Variants in MUC5B observed in about 807,000 individuals in gnomAD.
MUC5B encodes mucin 5B, oligomeric mucus/gel-forming.
MUC5B carries 116 observed loss-of-function variants against 376.9 expected under a neutral mutation model. The observed-to-expected ratio is 0.31, with a 90% confidence interval of 0.26 to 0.36. MUC5B has a LOEUF of 0.36. Ranked by LOEUF, MUC5B falls within the 10% of genes least tolerant of loss-of-function variation. MUC5B has a pLI of 1.00. For synonymous variants in MUC5B, 3,517 were observed against 3,390.9 expected (o/e 1.04, Z -1.29); for missense variants, 7,165 against 7,769.9 (o/e 0.92, Z 2.93).
Position 1,255,158 on chromosome 11 carries a change from G to A in MUC5B, c.15782G>A (p.Trp5261Ter). ...LVPDSRKDGC[W>*]APTGTPPTAS... ...CCCGACAGCAGAAAGGATGGCTGCT[G>A]GGCCCCGACTGGCACACCCCCCACT... Residue 5261 changes from tryptophan (W) to a stop codon, truncating the protein, a stop_gained, in exon 36 of 49, where the codon TGG becomes TAG. Coordinates refer to ENST00000529681, the MANE Select transcript of MUC5B (RefSeq NM_002458.3). LOFTEE classifies it high-confidence loss of function. 6.4e-7 allele frequency: 1 copy of A among 1,564,318 alleles called. No individual in the cohort carries two copies. The highest frequency in any genetic ancestry group is 8.7e-7 in the Non-Finnish European group (1 of 1,155,712).
At chr11:1,238,145 C>T (rs1171038542) in intron 25 of MUC5B, among the ~76,000 whole-genome samples, 3 of 152,152 alleles carry the variant, frequency 2.0e-5, no homozygotes, top group Non-Finnish European at 4.4e-5. Flanking sequence ...GTGTGGGCTG[C>T]CTGGAGGAAG....
At position 1,227,706 on chromosome 11, in the gene MUC5B, C is replaced by T; in HGVS notation, c.699C>T (p.Asn233=). ...GGCTGACCCCGCTCCAGTTTGGGAACCTGCAGAAGTTGGATGGGCCCACGG... is the reference window on the plus strand; with the variant it reads ...GGCTGACCCCGCTCCAGTTTGGGAATCTGCAGAAGTTGGATGGGCCCACGG... ...NARLTPLQFG[N]LQKLDGPTEQ... Residue 233 remains asparagine, a synonymous_variant, in exon 7 of 49, where the codon AAC becomes AAT. Transcript: ENST00000529681. The T allele has an allele frequency of 2.8e-6, 2 of 724,030 alleles. No individual in the cohort carries two copies. Among genetic ancestry groups the T allele is most frequent in the Non-Finnish European group, 5.1e-6 (2 of 388,856 alleles). The allele number at this position is 724,030 out of a possible 1,614,324, so 44.9% of individuals were successfully genotyped here. A position where few individuals can be genotyped will look rare whatever the true frequency, so the allele number is the denominator to read the frequency against.
At position 1,241,917 on chromosome 11, in the gene MUC5B, C is replaced by G; in HGVS notation, c.5037C>G (p.Gly1679=). The change falls in exon 31 of 49, where the codon GGC becomes GGG. Residue 1679 remains glycine (G), a synonymous_variant. Transcript: ENST00000529681. ...CGGGAGGCCCCACGACGCCTGCAGG[C>G]TCCACAGAACCCACTGTCCCAGGGG... The part of the protein sequence containing the change: ...ATTGGPTTPA[G]STEPTVPGVA... 1 of 1,609,966 alleles carries G rather than the reference C, an allele frequency of 6.2e-7. No homozygotes were observed. Among genetic ancestry groups the G allele is most frequent in the Non-Finnish European group, 8.5e-7 (1 of 1,178,350 alleles).
Position 1,245,203 on chromosome 11 carries a change from A to C in MUC5B, c.8323A>C (p.Thr2775Pro). Residue 2775 changes from threonine (T) to proline (P), a missense_variant, in exon 31 of 49, where the codon ACC becomes CCC. By Grantham distance (38) the Thr-to-Pro change is conservative (BLOSUM62 -1). Around this residue, in one of 31 missense-constraint regions of MUC5B, gnomAD observed 70 missense variants for 169.1 expected, o/e 0.41. Transcript: ENST00000529681. The stretch of plus-strand genomic sequence containing the variant: ...GGTGCGCACAGCCTGGACTTCGGCC[A>C]CCTCAGGCACCTTGGGCACCACCCA... Reference protein sequence around the residue: ...HTVRTAWTSATSGTLGTTHIT... With the variant: ...HTVRTAWTSAPSGTLGTTHIT... The C allele has an allele frequency of 6.3e-7, 1 of 1,589,598 alleles. No homozygotes were observed. The highest frequency in any genetic ancestry group is 8.6e-7 in the Non-Finnish European group (1 of 1,168,510).
chr11:1,239,126 G>T (rs746146871), intron 26 of MUC5B, 99 bp downstream of exon 26: 31 of 1,394,210 alleles, frequency 2.2e-5, no homozygotes, highest in African/African-American at 4.3e-5. Context: ...GGCCTGAGCC[G>T]CACACAGACA....
intron 46 of MUC5B, 116 bp from the exon 47 acceptor site, chr11:1,260,235 G>A: frequency 7.4e-7 from 1 of 1,349,522 alleles, no homozygotes; most frequent in Non-Finnish European, 1.0e-6. Flanking sequence ...TGCCTGGGAG[G>A]CCCCGCCCCT....
At chr11:1,231,604 G>C (rs747146861) in intron 14 of MUC5B, 44 bp downstream of exon 14, 3 of 1,534,484 alleles carry the variant, frequency 2.0e-6, no homozygotes, top group African/African-American at 1.4e-5. Context: ...CATTGGGGAC[G>C]GGGCCTGGAC....
chr11:1,255,123 G>A lies in MUC5B; in HGVS notation c.15747G>A (p.Thr5249=), dbSNP rs374559407. The A allele has an allele frequency of 4.4e-4, 695 of 1,581,958 alleles. No homozygotes were observed. The highest frequency in any genetic ancestry group is 5.7e-4 in the Non-Finnish European group (669 of 1,165,452). ...TAASCKDMAK[T]WLVPDSRKDG... is the part of the protein sequence containing the mutation. ...CCAGTTGCAAGGACATGGCCAAGAC[G>A]TGGCTGGTCCCCGACAGCAGAAAGG... The change falls in exon 36 of 49, where the codon ACG becomes ACA. Residue 5249 remains threonine (T), a synonymous_variant. Coordinates refer to ENST00000529681, the MANE Select transcript of MUC5B (RefSeq NM_002458.3).
rs766211098 is a variant in MUC5B at position 1,226,893 on chromosome 11, G to T, written c.461+17G>T. 6 of 1,602,634 alleles carry T rather than the reference G, an allele frequency of 3.7e-6. No homozygotes were observed. The Admixed American group carries it at 1.0e-4, about 27-fold the overall frequency. The stretch of plus-strand genomic sequence containing the variant: ...TGGGCAGCGGTGAGCCGGCCACCCT[G>T]GGGAGGGGCGAGGGCCGGGCCACAC... On this transcript the variant is annotated intron_variant, in intron 4 of 48. Coordinates refer to ENST00000529681, the MANE Select transcript of MUC5B (RefSeq NM_002458.3).
chr11:1,227,216 C>T, intron 5 of MUC5B, 71 bp downstream of exon 5: 1 of 1,570,688 alleles, frequency 6.4e-7, no homozygotes, highest in East Asian at 2.3e-5. Context: ...TCGAGGGATG[C>T]CTCCCTGGGC....
chr11:1,233,713 C>A, intron 18 of MUC5B, 80 bp from the exon 19 acceptor site: 1 of 1,425,842 alleles, frequency 7.0e-7, no homozygotes, highest in Non-Finnish European at 9.6e-7. Flanking sequence ...GCCCAGCGTT[C>A]GGCGGGGGCT....
chr11:1,254,715 G>T lies in MUC5B; in HGVS notation c.15499G>T (p.Val5167Leu). 8 of 1,612,728 alleles carry T rather than the reference G, an allele frequency of 5.0e-6. No homozygotes were observed. The highest frequency in any genetic ancestry group is 6.8e-6 in the Non-Finnish European group (8 of 1,179,684). The change falls in exon 35 of 49, where the codon GTG (valine) becomes TTG (leucine). Residue 5167 changes from valine (V) to leucine (L), a missense_variant. Coordinates refer to ENST00000529681, the MANE Select transcript of MUC5B (RefSeq NM_002458.3). ...EGLILFDQIP[V>L]SSGFSKNGVL... ...CCAGATCCTGTTTGACCAAATTCCG[G>T]TGAGCAGCGGTTTCAGCAAGAACGG... is the stretch of plus-strand genomic sequence containing the variant.
At chr11:1,236,232 G>A in intron 23 of MUC5B, 154 bp from the exon 24 acceptor site, 1 of 651,708 alleles carries the variant, frequency 1.5e-6, no homozygotes, top group Non-Finnish European at 2.5e-6. Context: ...AACCTTCGCT[G>A]AGGGTCTCAC....
chr11:1,247,239 C>T lies in MUC5B; in HGVS notation c.10359C>T (p.Thr3453=). ...CCCCAGTGCCGAACACCACGGCCAC[C>T]ACACACGGGCGGTCCCTGCCCCCCA... ...HTPPVPNTTA[T]THGRSLPPSS... The change falls in exon 31 of 49, where the codon ACC becomes ACT. Residue 3453 remains threonine, a synonymous_variant. Transcript: ENST00000529681. 1.2e-6 allele frequency: 2 copies of T among 1,612,486 alleles called. No homozygotes were observed. The highest frequency in any genetic ancestry group is 1.7e-6 in the Non-Finnish European group (2 of 1,179,570).
At position 1,251,433 on chromosome 11, in the gene MUC5B, G is replaced by A. The variant is rs758020542; in HGVS notation, c.14553G>A (p.Pro4851=). 15 of 1,612,550 alleles carry A rather than the reference G, an allele frequency of 9.3e-6. No individual in the cohort carries two copies. The highest frequency in any genetic ancestry group is 2.2e-5 in the South Asian group (2 of 91,008). ...GGACCACCTGGATCCTCACAGAGCC[G>A]AGCACTATAGCCACCGTGATGGTGC... ...TPGTTWILTE[P]STIATVMVPT... is the part of the protein sequence containing the mutation. Residue 4851 remains proline (P), a synonymous_variant, in exon 31 of 49, where the codon CCG becomes CCA. Coordinates refer to ENST00000529681, the MANE Select transcript of MUC5B (RefSeq NM_002458.3).
chr11:1,235,256 G>A (rs764241508), intron 22 of MUC5B, 33 bp downstream of exon 22: 19 of 1,610,688 alleles, frequency 1.2e-5, no homozygotes, highest in Middle Eastern at 1.6e-4. Flanking sequence ...CCTGCAGGCC[G>A]GGCACACTCC....
Position 1,252,903 on chromosome 11 carries a change from T to C in MUC5B, c.15140T>C (p.Val5047Ala). Residue 5047 changes from valine to alanine, a missense_variant, in exon 33 of 49, where the codon GTC becomes GCC. Physicochemically the swap from Val to Ala is moderately conservative, Grantham distance 64. This residue lies in a region of MUC5B where 842 missense variants were observed against 1,016.9 expected (regional missense o/e 0.83). Coordinates refer to ENST00000529681, the MANE Select transcript of MUC5B (RefSeq NM_002458.3). The stretch of plus-strand genomic sequence containing the variant: ...CTGGACCCAAAGCCTGTGGCCAACG[T>C]CACCTGCGTGAACAAGCACCTGCCC... ...VLLDPKPVAN[V>A]TCVNKHLPIK... 6.2e-7 allele frequency: 1 copy of C among 1,612,646 alleles called. No homozygotes were observed. The highest frequency in any genetic ancestry group is 8.5e-7 in the Non-Finnish European group (1 of 1,179,856).
rs778672207 is a variant in MUC5B at position 1,255,200 on chromosome 11, C to T, written c.15824C>T (p.Pro5275Leu). 106 of 1,548,260 alleles carry T rather than the reference C, an allele frequency of 6.8e-5. No individual in the cohort carries two copies. The highest frequency in any genetic ancestry group is 2.4e-4 in the South Asian group (20 of 83,946). Residue 5275 changes from proline (P) to leucine (L), a missense_variant, in exon 36 of 49, where the codon CCG becomes CTG. Transcript: ENST00000529681. ...GTPPTASPAA[P>L]VSSTPTPTPC... ...CCCCCCACTGCCAGCCCCGCAGCCC[C>T]GGTGTCTAGCACACCCACCCCCACC...
Position 1,241,566 on chromosome 11 carries a change from G to A in MUC5B, c.4686G>A (p.Val1562=), listed in dbSNP as rs146030838. 80 of 1,612,366 alleles carry A rather than the reference G, an allele frequency of 5.0e-5. No individual in the cohort carries two copies. The African/African-American group carries it at 1.1e-3, about 21-fold the overall frequency. The change falls in exon 31 of 49, where the codon GTG becomes GTA. Residue 1562 remains valine (V), a synonymous_variant. Coordinates refer to ENST00000529681, the MANE Select transcript of MUC5B (RefSeq NM_002458.3). The part of the protein sequence containing the change: ...ESFPNWTLAQ[V]GQKVHCDVHF... ...TCCCCAACTGGACCCTGGCACAGGT[G>A]GGGCAGAAGGTGCACTGTGACGTCC...
Sources: gnomAD v4.1 joint callset for allele counts (sites outside exome capture counted in the v4.1 genomes callset) on GRCh38, gnomAD v4.1.1 for gene constraint, gnomAD v4.1.1 regional missense constraint, MANE v1.5 for transcripts, NCBI Gene and HGNC (gene_info 2026-07-23, HGNC 2026-07-21) for gene names.